EPHA5: variants seen among roughly 807,000 people sequenced by gnomAD.
EPHA5 encodes the protein EPH receptor A5.
EPHA5 carries 60 observed loss-of-function variants against 105.0 expected under a neutral mutation model. The ratio of observed to expected loss-of-function variants is 0.57; its 90% CI spans 0.46 to 0.71. The LOEUF is 0.71. EPHA5 is among the 30% of genes least tolerant of loss of function. The pLI, the probability that EPHA5 is intolerant of heterozygous loss-of-function variation, is 0.00. For missense variants in EPHA5, 1,218 were observed against 1,274.7 expected, an observed-to-expected ratio of 0.96 and a Z score of 0.68; for synonymous variants, 513 against 449.1, an observed-to-expected ratio of 1.14 and a Z score of -1.80.
At chr4:65,403,577 CTTGTTTTATATAGTTTATTTT>C (rs1288805546) in intron 8 of EPHA5, among the ~76,000 whole-genome samples, 2 of 151,764 alleles carry the variant, frequency 1.3e-5, no homozygotes, top group African/African-American at 4.8e-5. Flanking sequence ...ACAGCATACT[CTTGTTTTATATAGTTTATTTT>C]GTTTTATTTA....
chr4:65,546,474 C>T (rs6844942), intron 3 of EPHA5, among the ~76,000 whole-genome samples: 113,847 of 151,898 alleles, frequency 0.75, 42,927 homozygotes, highest in African/African-American at 0.79. Flanking sequence ...TCTTTCTGGA[C>T]TTCTGCCTAT....
chr4:65,584,984 A>C (rs576487957), intron 3 of EPHA5, among the ~76,000 whole-genome samples: 5 of 151,966 alleles, frequency 3.3e-5, no homozygotes, highest in Non-Finnish European at 7.4e-5. Context: ...ATGACATAGT[A>C]GTTAAGAGCA....
At chr4:65,418,205 A>G (rs1325071631) in intron 6 of EPHA5, among the ~76,000 whole-genome samples, 1 of 152,190 alleles carries the variant, frequency 6.6e-6, no homozygotes, top group African/African-American at 2.4e-5. Context: ...AGAATTCAGC[A>G]TGTGTTAATA....
chr4:65,390,874 G>A (rs933795143), intron 8 of EPHA5, among the ~76,000 whole-genome samples: 6 of 151,990 alleles, frequency 3.9e-5, no homozygotes, highest in South Asian at 2.1e-4. Context: ...GAGACAGTAC[G>A]GGAATTTTGG....
chr4:65,518,958 C>G (rs940834306), intron 3 of EPHA5, among the ~76,000 whole-genome samples: 1 of 152,064 alleles, frequency 6.6e-6, no homozygotes. Flanking sequence ...CTCCCTAACT[C>G]ATTTTATGAG....
At chr4:65,597,560 G>A (rs1743312541) in intron 3 of EPHA5, among the ~76,000 whole-genome samples, 1 of 151,856 alleles carries the variant, frequency 6.6e-6, no homozygotes, top group South Asian at 2.1e-4. Flanking sequence ...TTGGATAAAT[G>A]GATTTGAGAC....
chr4:65,629,176 T>G (rs984099561), intron 2 of EPHA5, among the ~76,000 whole-genome samples: 1 of 138,110 alleles, frequency 7.2e-6, no homozygotes. Flanking sequence ...TGTCTTCCTC[T>G]TTTGTTTCTA....
chr4:65,390,065 T>C (rs1446710860), intron 8 of EPHA5, among the ~76,000 whole-genome samples: 1 of 152,058 alleles, frequency 6.6e-6, no homozygotes, highest in Non-Finnish European at 1.5e-5. Context: ...CTCTATTTTT[T>C]ATATATTTTC....
At chr4:65,490,096 G>C (rs1731254787) in intron 5 of EPHA5, among the ~76,000 whole-genome samples, 1 of 152,130 alleles carries the variant, frequency 6.6e-6, no homozygotes, top group Non-Finnish European at 1.5e-5. Flanking sequence ...GATAAATTTT[G>C]CTTCAAATGG....
chr4:65,495,615 T>C, intron 3 of EPHA5, 72 bp from the exon 4 acceptor site: 1 of 1,327,612 alleles, frequency 7.5e-7, no homozygotes, highest in East Asian at 2.4e-5. Context: ...ATAATGTCAT[T>C]ATTTTGACTT....
chr4:65,593,545 G>C (rs566168854), intron 3 of EPHA5, among the ~76,000 whole-genome samples: 1 of 152,212 alleles, frequency 6.6e-6, no homozygotes, highest in East Asian at 1.9e-4. Flanking sequence ...CTGGGGTAAG[G>C]CTGAGATTCT....
At chr4:65,664,890 A>G (rs889156836) in intron 1 of EPHA5, among the ~76,000 whole-genome samples, 1 of 152,102 alleles carries the variant, frequency 6.6e-6, no homozygotes, top group South Asian at 2.1e-4. Context: ...TTCAAACCTC[A>G]GTTAATTCTG....
At chr4:65,565,958 GT>G (rs2149365261) in intron 3 of EPHA5, among the ~76,000 whole-genome samples, 1 of 151,408 alleles carries the variant, frequency 6.6e-6, no homozygotes, top group South Asian at 2.1e-4. Flanking sequence ...AATTTGGTAT[GT>G]TAGAAATGCT....
intron 3 of EPHA5, among the ~76,000 whole-genome samples, chr4:65,555,575 C>T (rs1738352960): frequency 6.6e-6 from 1 of 151,154 alleles, no homozygotes; most frequent in Non-Finnish European, 1.5e-5. Context: ...AAAACTCCAT[C>T]TTCTGTTTTC....
chr4:65,589,695 A>T (rs927953612), intron 3 of EPHA5, among the ~76,000 whole-genome samples: 1 of 152,190 alleles, frequency 6.6e-6, no homozygotes, highest in Non-Finnish European at 1.5e-5. Context: ...TAAATAAATA[A>T]TACAGGTCAG....
intron 5 of EPHA5, among the ~76,000 whole-genome samples, chr4:65,448,792 T>C (rs1171029684): frequency 6.6e-6 from 1 of 152,146 alleles, no homozygotes; most frequent in Non-Finnish European, 1.5e-5. Flanking sequence ...TCATTACTCA[T>C]AAGAAAATGA....
rs953737082 is a variant in EPHA5, at chr4:65,577,907, C to T, written c.910+23734G>A. 3.3e-5 allele frequency among the ~76,000 whole-genome samples: 5 copies of T among 152,094 alleles called. No homozygotes were observed. In the South Asian group the frequency reaches 6.2e-4, roughly 19 times the overall value. On this transcript the variant is annotated intron_variant, in intron 3 of 16. Coordinates refer to ENST00000613740, the MANE Select transcript of EPHA5 (RefSeq NM_001281766.3). Reference sequence around the variant, plus strand: ...TGTGACTGATTAGACTAGAAATTGTCCCCATAAACTCAGGAATCTTTTGGT... The same window carrying T: ...TGTGACTGATTAGACTAGAAATTGTTCCCATAAACTCAGGAATCTTTTGGT...
chr4:65,521,463 T>G (rs914594329), intron 3 of EPHA5, among the ~76,000 whole-genome samples: 1 of 152,112 alleles, frequency 6.6e-6, no homozygotes, highest in Non-Finnish European at 1.5e-5. Context: ...ACATGGCACA[T>G]GTATACATAT....
intron 11 of EPHA5, among the ~76,000 whole-genome samples, chr4:65,354,145 A>G (rs1204268384): frequency 6.6e-6 from 1 of 151,738 alleles, no homozygotes; most frequent in Non-Finnish European, 1.5e-5. Flanking sequence ...AGTATCTGCT[A>G]AGTCATATGG....
Sources: gnomAD v4.1 joint callset for allele counts (sites outside exome capture counted in the v4.1 genomes callset) on GRCh38, gnomAD v4.1.1 for gene constraint, MANE v1.5 for transcripts, NCBI Gene and HGNC (gene_info 2026-07-23, HGNC 2026-07-21) for gene names.